The following OR4F16 variants were observed in gnomAD, a reference collection of about 807,000 sequenced individuals.
OR4F16 encodes olfactory receptor family 4 subfamily F member 16, also known as olfactory receptor 4F3/4F16/4F29.
chr1:715,642 G>C, the OR4F16 span, among the ~76,000 whole-genome samples: 1 of 98,484 alleles, frequency 1.0e-5, no homozygotes, highest in Admixed American at 1.1e-4. Context: ...AGACCAGCCT[G>C]AGAATTTGGC....
At chr1:692,444 TTG>T in the OR4F16 span, among the ~76,000 whole-genome samples, 1 of 151,064 alleles carries the variant, frequency 6.6e-6, no homozygotes, top group African/African-American at 2.4e-5. Context: ...TATTCATTTG[TTG>T]CCTATCATTA....
chr1:692,004 T>TA, the OR4F16 span, among the ~76,000 whole-genome samples: 1 of 143,576 alleles, frequency 7.0e-6, no homozygotes, highest in East Asian at 2.2e-4. Context: ...ACTGAAGTCG[T>TA]ACAAAGCCGA....
At chr1:679,973 T>C in the OR4F16 span, among the ~76,000 whole-genome samples, 1 of 135,316 alleles carries the variant, frequency 7.4e-6, no homozygotes, top group Non-Finnish European at 1.6e-5. Context: ...CTCAATAAAA[T>C]ACTGGCAAAC....
upstream of OR4F16, among the ~76,000 whole-genome samples, chr1:691,211 G>GTA (rs1643058597): frequency 6.6e-6 from 1 of 151,962 alleles, no homozygotes; most frequent in Non-Finnish European, 1.5e-5. Context: ...CTACCACATA[G>GTA]TATAGCACAA....
chr1:714,045 G>GTA, the OR4F16 span, among the ~76,000 whole-genome samples: 136 of 141,766 alleles, frequency 9.6e-4, 1 homozygote, highest in East Asian at 7.3e-3. Context: ...ATGTGGACAT[G>GTA]TATATATATA....
the OR4F16 span, chr1:711,792 G>C: frequency 1.1e-4 from 4 of 36,774 alleles, no homozygotes; most frequent in African/African-American, 3.2e-4. Flanking sequence ...GCAAGTAATT[G>C]TTTCAGTATC....
the OR4F16 span, among the ~76,000 whole-genome samples, chr1:697,035 AT>A: frequency 1.0e-5 from 1 of 95,488 alleles, no homozygotes; most frequent in Non-Finnish European, 1.8e-5. Context: ...CCCTATTAGT[AT>A]TTTTTGAACA....
At chr1:701,312 G>T in the OR4F16 span, among the ~76,000 whole-genome samples, 1 of 149,954 alleles carries the variant, frequency 6.7e-6, no homozygotes, top group East Asian at 2.0e-4. Context: ...GTCATATTCT[G>T]ATGGGAGAAT....
At chr1:701,667 C>T in the OR4F16 span, among the ~76,000 whole-genome samples, 3 of 149,964 alleles carry the variant, frequency 2.0e-5, no homozygotes, top group African/African-American at 7.5e-5. Flanking sequence ...CAAACTAATG[C>T]AGGAACAGAA....
At chr1:690,277 T>C (rs1454180979), upstream of OR4F16, among the ~76,000 whole-genome samples, 254 of 118,502 alleles carry the variant, frequency 2.1e-3, no homozygotes, top group African/African-American at 9.7e-3. Flanking sequence ...AGAAGGCACA[T>C]GAAATTTTTA....
At chr1:680,533 GACAA>G in the OR4F16 span, among the ~76,000 whole-genome samples, 2 of 41,702 alleles carry the variant, frequency 4.8e-5, no homozygotes, top group African/African-American at 1.8e-4. Context: ...GCAAAAAACA[GACAA>G]ACAGAGAGCC....
chr1:717,264 C>T, the OR4F16 span, among the ~76,000 whole-genome samples: 1 of 151,126 alleles, frequency 6.6e-6, no homozygotes, highest in Non-Finnish European at 1.5e-5. Flanking sequence ...GCAACTCTCA[C>T]AGATAGGGAT....
At chr1:701,907 TAAAATAA>T in the OR4F16 span, 2 of 151,238 alleles carry the variant, frequency 1.3e-5, no homozygotes, top group Non-Finnish European at 2.9e-5. Context: ...CCCCTAAACT[TAAAATAA>T]AAGTTAAAAA....
At chr1:708,316 A>G in the OR4F16 span, among the ~76,000 whole-genome samples, 2 of 145,980 alleles carry the variant, frequency 1.4e-5, no homozygotes, top group Non-Finnish European at 3.0e-5. Context: ...TTAGCCCTCA[A>G]CAAAGCATTT....
chr1:702,069 G>A, the OR4F16 span: 1 of 145,756 alleles, frequency 6.9e-6, no homozygotes, highest in African/African-American at 2.6e-5. Context: ...CCACTGGCTG[G>A]ACGCAGTGGC....
chr1:691,131 T>C (rs1643056714), upstream of OR4F16, among the ~76,000 whole-genome samples: 1 of 151,438 alleles, frequency 6.6e-6, no homozygotes, highest in Admixed American at 6.6e-5. Flanking sequence ...CCTCCCTTGT[T>C]TGCTTGCTCC....
At chr1:691,502 T>C (rs1275103624), upstream of OR4F16, among the ~76,000 whole-genome samples, 2 of 151,858 alleles carry the variant, frequency 1.3e-5, no homozygotes, top group African/African-American at 4.8e-5. Context: ...CTTTCCTTGA[T>C]GGTAAGCCCC....
At chr1:710,135 GA>G in the OR4F16 span, among the ~76,000 whole-genome samples, 1 of 129,688 alleles carries the variant, frequency 7.7e-6, no homozygotes, top group South Asian at 2.8e-4. Context: ...ATTTCAATTG[GA>G]AAAAAATAAT....
the OR4F16 span, chr1:701,897 C>G: frequency 3.4e-4 from 51 of 151,598 alleles, no homozygotes; most frequent in Non-Finnish European, 6.8e-4. Flanking sequence ...GTAACAAATG[C>G]CCCTAAACTT....
Sources: gnomAD v4.1 joint callset for allele counts (sites outside exome capture counted in the v4.1 genomes callset) on GRCh38, gnomAD v4.1.1 for gene constraint, MANE v1.5 for transcripts, NCBI Gene and HGNC (gene_info 2026-07-23, HGNC 2026-07-21) for gene names.